Variants in PCDHGA1 observed in about 807,000 individuals in gnomAD.
The protein encoded by PCDHGA1 is protocadherin gamma-A1.
A neutral mutation model predicts 58.0 loss-of-function variants in PCDHGA1; 32 were observed. That is an observed-to-expected ratio of 0.55 (90% CI 0.42 to 0.74). The LOEUF (loss-of-function observed/expected upper bound fraction) is 0.74, where lower values mean the gene tolerates loss of function less well. Ranked by LOEUF, PCDHGA1 falls within the 30% of genes least tolerant of loss-of-function variation. The probability of loss-of-function intolerance (pLI) is 0.00; values close to 1 mark genes in which losing one functional copy is unlikely to be tolerated. For missense variants in PCDHGA1, 1,205 were observed against 1,182.3 expected (o/e 1.02, Z -0.28); for synonymous variants, 498 against 501.1 (o/e 0.99, Z 0.08).
At chr5:141,459,670 T>A (rs890411975) in intron 1 of PCDHGA1, among the ~76,000 whole-genome samples, 4 of 152,264 alleles carry the variant, frequency 2.6e-5, no homozygotes, top group African/African-American at 9.6e-5. Context: ...TACATTTTCA[T>A]GAGCAATGCA....
chr5:141,423,067 G>A (rs757110751), intron 1 of PCDHGA1: 10 of 1,614,024 alleles, frequency 6.2e-6, no homozygotes, highest in South Asian at 5.5e-5. Context: ...TAAGGCCAGC[G>A]AGCCGGGACT....
intron 1 of PCDHGA1, chr5:141,400,584 A>G (rs745551734): frequency 1.9e-6 from 3 of 1,609,038 alleles, no homozygotes; most frequent in Non-Finnish European, 8.5e-7. Flanking sequence ...TATTTACATG[A>G]AACTATCGTA....
chr5:141,427,840 A>G (rs779622800), intron 1 of PCDHGA1: 1 of 1,548,180 alleles, frequency 6.5e-7, no homozygotes, highest in Non-Finnish European at 8.8e-7. Flanking sequence ...CGTGCCTTCG[A>G]CCACGAGCAG....
intron 1 of PCDHGA1, chr5:141,419,095 G>A (rs1478382101): frequency 1.2e-6 from 2 of 1,613,816 alleles, no homozygotes; most frequent in African/African-American, 2.7e-5. Context: ...CCCTGGATCG[G>A]GAGCAGACCC....
intron 1 of PCDHGA1, among the ~76,000 whole-genome samples, chr5:141,459,307 A>G (rs1175102009): frequency 6.6e-6 from 1 of 152,198 alleles, no homozygotes; most frequent in Non-Finnish European, 1.5e-5. Context: ...AACATATACT[A>G]TTTTGTATCC....
intron 1 of PCDHGA1, chr5:141,384,866 C>T: frequency 6.2e-7 from 1 of 1,613,720 alleles, no homozygotes; most frequent in African/African-American, 1.3e-5. Flanking sequence ...CCTCTGTCAG[C>T]CACCGTCACA....
At chr5:141,466,296 A>G (rs2099120415) in intron 1 of PCDHGA1, among the ~76,000 whole-genome samples, 1 of 152,136 alleles carries the variant, frequency 6.6e-6, no homozygotes. Flanking sequence ...TCAGGCTCCC[A>G]AGTAGCTGGG....
intron 1 of PCDHGA1, chr5:141,410,703 C>G (rs763776263): frequency 1.1e-5 from 16 of 1,467,494 alleles, no homozygotes; most frequent in Non-Finnish European, 9.1e-7. Flanking sequence ...ATTTTCATAT[C>G]TAGAATCATA....
intron 1 of PCDHGA1, chr5:141,365,086 A>G: frequency 6.2e-7 from 1 of 1,613,892 alleles, no homozygotes; most frequent in Non-Finnish European, 8.5e-7. Context: ...TGAGTGTTCC[A>G]GAGAACATAC....
chr5:141,372,088 C>T (rs1768398605), intron 1 of PCDHGA1: 4 of 1,613,762 alleles, frequency 2.5e-6, no homozygotes, highest in Middle Eastern at 1.7e-4. Context: ...GTGCTGTACC[C>T]AGCTCTGGGG....
At chr5:141,340,822 C>G in intron 1 of PCDHGA1, 1 of 1,613,908 alleles carries the variant, frequency 6.2e-7, no homozygotes, top group Non-Finnish European at 8.5e-7. Context: ...CGGGACTCTT[C>G]TCGGTGGGTC....
intron 1 of PCDHGA1, chr5:141,377,860 A>G (rs1236316198): frequency 6.6e-6 from 1 of 152,192 alleles, no homozygotes; most frequent in Non-Finnish European, 1.5e-5. Context: ...ATTAAGATTT[A>G]AAAGACTTCT....
chr5:141,355,590 A>C, intron 1 of PCDHGA1: 2 of 1,613,952 alleles, frequency 1.2e-6, no homozygotes, highest in Non-Finnish European at 1.7e-6. Context: ...ATGATAACCC[A>C]CCCAGTTTTG....
At chr5:141,418,667 G>A (rs1561775322) in intron 1 of PCDHGA1, 1 of 1,614,036 alleles carries the variant, frequency 6.2e-7, no homozygotes, top group Admixed American at 1.7e-5. Flanking sequence ...CACTGACCAG[G>A]ACGAGGGCAT....
At chr5:141,354,532 G>C (rs1415813950) in intron 1 of PCDHGA1, among the ~76,000 whole-genome samples, 1 of 152,212 alleles carries the variant, frequency 6.6e-6, no homozygotes, top group Non-Finnish European at 1.5e-5. Context: ...CATTGCCCCA[G>C]GTTCTAGAGG....
chr5:141,403,135 GCGCCGAGTC>G, intron 1 of PCDHGA1: 4 of 1,614,064 alleles, frequency 2.5e-6, no homozygotes, highest in Non-Finnish European at 3.4e-6. Context: ...AGCTGGCGGA[GCGCCGAGTC>G]CGCATCGTCT....
chr5:141,445,584 G>A lies in PCDHGA1; in HGVS notation c.2422-49223G>A, dbSNP rs540956709. ...AGAAAGCTTATAGTAGGGAAGCTTC[G>A]CCTAATCTGAAGGTCAAGGAAGGCT... On this transcript the variant is annotated intron_variant, in intron 1 of 3. Transcript: ENST00000517417. Among the ~76,000 whole-genome samples, 116 of 152,286 alleles carry A rather than the reference G, an allele frequency of 7.6e-4. 2 individuals are homozygous for A. Among genetic ancestry groups the A allele is most frequent in the Non-Finnish European group, 2.4e-4 (16 of 68,024 alleles).
intron 1 of PCDHGA1, among the ~76,000 whole-genome samples, chr5:141,338,217 G>C (rs1409367535): frequency 6.6e-6 from 1 of 152,086 alleles, no homozygotes; most frequent in Admixed American, 6.5e-5. Flanking sequence ...TCACGCTTGA[G>C]ACCAGGGCCT....
intron 1 of PCDHGA1, among the ~76,000 whole-genome samples, chr5:141,466,351 A>G (rs897901821): frequency 6.6e-6 from 1 of 152,050 alleles, no homozygotes; most frequent in African/African-American, 2.4e-5. Context: ...TTTTGCAGCT[A>G]ATCTAGATGT....
Sources: gnomAD v4.1 joint callset for allele counts (sites outside exome capture counted in the v4.1 genomes callset) on GRCh38, gnomAD v4.1.1 for gene constraint, MANE v1.5 for transcripts, NCBI Gene and HGNC (gene_info 2026-07-23, HGNC 2026-07-21) for gene names.